Variants in RAI1 observed in about 807,000 individuals in gnomAD.
RAI1 encodes retinoic acid-induced protein 1.
RAI1 carries 9 observed loss-of-function variants against 123.8 expected under a neutral mutation model. That is an observed-to-expected ratio of 0.07 (90% confidence interval 0.04 to 0.13). The LOEUF (loss-of-function observed/expected upper bound fraction) is 0.13, where lower values mean the gene tolerates loss of function less well. RAI1 is among the 10% of genes least tolerant of loss of function. RAI1 has a pLI of 1.00. For synonymous variants in RAI1, 1,231 were observed against 1,127.3 expected (o/e 1.09, Z -1.84); for missense variants, 2,256 against 2,545.8 (o/e 0.89, Z 2.45).
At chr17:17,682,187 G>T (rs532521502) in intron 1 of RAI1, among the ~76,000 whole-genome samples, 1 of 152,138 alleles carries the variant, frequency 6.6e-6, no homozygotes, top group African/African-American at 2.4e-5. Context: ...GGCGCCGGGG[G>T]CGGAGGTGAG....
intron 2 of RAI1, among the ~76,000 whole-genome samples, chr17:17,758,717 A>G (rs1241417850): frequency 6.6e-6 from 1 of 152,192 alleles, no homozygotes; most frequent in Non-Finnish European, 1.5e-5. Context: ...TGCAATGATC[A>G]ACGTATGTAC....
In RAI1 at chr17:17,752,369, A is replaced by G. The variant is rs992343791; in HGVS notation, c.-17+28210A>G. ...GGGTGAGCGGAAAGGGGCGGGGCTG[A>G]CCTGTGGGCGGGGCCCCCGGGGCGA... On this transcript the variant is annotated intron_variant, in intron 2 of 5. Coordinates refer to ENST00000353383, the MANE Select transcript of RAI1 (RefSeq NM_030665.4). 1.3e-4 allele frequency among the ~76,000 whole-genome samples: 19 copies of G among 151,900 alleles called. No homozygotes were observed. The East Asian group carries it at 2.9e-3, about 23-fold the overall frequency.
intron 2 of RAI1, among the ~76,000 whole-genome samples, chr17:17,768,605 G>A (rs1488625110): frequency 1.3e-5 from 2 of 152,274 alleles, no homozygotes; most frequent in Non-Finnish European, 2.9e-5. Context: ...CAGGGCGACG[G>A]TGTGTCTGTC....
chr17:17,798,652 G>C, intron 3 of RAI1, 139 bp downstream of exon 3: 1 of 1,434,700 alleles, frequency 7.0e-7, no homozygotes, highest in Non-Finnish European at 9.4e-7. Flanking sequence ...GCAGAGTCCT[G>C]AGCCTCTCTG....
intron 1 of RAI1, among the ~76,000 whole-genome samples, chr17:17,720,512 C>G (rs183494631): frequency 2.9e-3 from 439 of 152,308 alleles, no homozygotes; most frequent in Non-Finnish European, 4.9e-3. Flanking sequence ...GCACCATGAT[C>G]CCATGGAATC....
In RAI1 at chr17:17,701,322, C is replaced by T. The variant is rs545449198; in HGVS notation, c.-149+19529C>T. On this transcript the variant is annotated intron_variant, in intron 1 of 5. Coordinates refer to ENST00000353383, the MANE Select transcript of RAI1 (RefSeq NM_030665.4). ...CTGCACTGCTGCCCTGAGCCTTCTG[C>T]CTAGGCAGGGGGCTGTGAGACTGAT... 2.6e-5 allele frequency among the ~76,000 whole-genome samples: 4 copies of T among 152,310 alleles called. No individual in the cohort carries two copies. In the South Asian group the frequency reaches 6.2e-4, roughly 24 times the overall value.
intron 2 of RAI1, among the ~76,000 whole-genome samples, chr17:17,781,951 GGGCC>G (rs2031596942): frequency 6.6e-6 from 1 of 152,186 alleles, no homozygotes; most frequent in African/African-American, 2.4e-5. Flanking sequence ...TCGGGGCCCC[GGGCC>G]GGCCGCCCCC....
intron 1 of RAI1, among the ~76,000 whole-genome samples, chr17:17,712,688 G>A (rs968723889): frequency 3.5e-4 from 54 of 152,216 alleles, no homozygotes; most frequent in African/African-American, 1.3e-3. Context: ...CTGGCTGAGT[G>A]ATGATGCGGC....
intron 2 of RAI1, among the ~76,000 whole-genome samples, chr17:17,741,527 ACTCGTC>A (rs1365954213): frequency 6.6e-6 from 1 of 152,122 alleles, no homozygotes; most frequent in Non-Finnish European, 1.5e-5. Flanking sequence ...GCAGTGCGGG[ACTCGTC>A]CTCGGCTCTC....
Position 17,794,514 on chromosome 17 carries a change from G to C in RAI1, c.1566G>C (p.Glu522Asp). The C allele has an allele frequency of 6.2e-7, 1 of 1,612,586 alleles. No homozygotes were observed. The highest frequency in any genetic ancestry group is 8.5e-7 in the Non-Finnish European group (1 of 1,179,768). The change falls in exon 3 of 6, where the codon GAG (glutamate) becomes GAC (aspartate). Residue 522 changes from glutamate (E) to aspartate (D), a missense_variant. This residue lies in a region of RAI1 where 357 missense variants were observed against 480.2 expected (regional missense o/e 0.74). Coordinates refer to ENST00000353383, the MANE Select transcript of RAI1 (RefSeq NM_030665.4). ...AGGCCGACTACCTGAGCGGCTCCGA[G>C]GACCCACTGGAGCGCAGCTTCCTCT... ...PQEADYLSGS[E>D]DPLERSFLYC... is the part of the protein sequence containing the mutation.
intron 2 of RAI1, among the ~76,000 whole-genome samples, chr17:17,754,267 C>T (rs565102038): frequency 1.1e-4 from 16 of 139,816 alleles, no homozygotes; most frequent in South Asian, 2.2e-4. Flanking sequence ...TGCAATGGCG[C>T]GATCTCGGCT....
chr17:17,723,214 C>T (rs540081701), intron 1 of RAI1, among the ~76,000 whole-genome samples: 3 of 152,170 alleles, frequency 2.0e-5, no homozygotes, highest in East Asian at 1.9e-4. Context: ...CGCAATCCCA[C>T]CCACGCAGTA....
chr17:17,791,702 C>G (rs2032017704), intron 2 of RAI1, among the ~76,000 whole-genome samples: 1 of 152,218 alleles, frequency 6.6e-6, no homozygotes, highest in African/African-American at 2.4e-5. Flanking sequence ...ATGGCCAGCC[C>G]CTCCATGCAC....
intron 2 of RAI1, among the ~76,000 whole-genome samples, chr17:17,764,681 C>T (rs1383624081): frequency 6.6e-6 from 1 of 152,140 alleles, no homozygotes; most frequent in Non-Finnish European, 1.5e-5. Context: ...CCAGGCTGGT[C>T]CTGAACTCCT....
chr17:17,798,383 C>T lies in RAI1; in HGVS notation c.5435C>T (p.Pro1812Leu), dbSNP rs368733254. The part of the protein sequence containing the change: ...GRKHECSKEA[P>L]AEPGGEAQEH... Reference sequence around the variant, plus strand: ...AAACATGAGTGCAGCAAGGAGGCTCCGGCAGAGCCCGGCGGGGAGGCCCAG... The same window carrying T: ...AAACATGAGTGCAGCAAGGAGGCTCTGGCAGAGCCCGGCGGGGAGGCCCAG... Residue 1812 changes from proline to leucine, a missense_variant, in exon 3 of 6, where the codon CCG becomes CTG. Transcript: ENST00000353383. 64 of 1,609,236 alleles carry T rather than the reference C, an allele frequency of 4.0e-5. 1 individual carries two copies. The African/African-American group carries it at 4.0e-4, about 10-fold the overall frequency.
In RAI1 at chr17:17,797,220, C is replaced by G. The variant is rs765372546; in HGVS notation, c.4272C>G (p.Phe1424Leu). The G allele has an allele frequency of 1.2e-6, 2 of 1,613,740 alleles. No homozygotes were observed. The highest frequency in any genetic ancestry group is 2.2e-5 in the East Asian group (1 of 44,884). ...AGAAACTGTCTTCTACTGACTGTTT[C>G]AAAACCGAGGCCTTCACATCCCCGG... ...NSKKLSSTDC[F>L]KTEAFTSPEA... Residue 1424 changes from phenylalanine (F) to leucine (L), a missense_variant, in exon 3 of 6, where the codon TTC (phenylalanine) becomes TTG (leucine). Physicochemically the swap from Phe to Leu is conservative, Grantham distance 22. This residue lies in a region of RAI1 where 410 missense variants were observed against 374.6 expected (regional missense o/e 1.09). Transcript: ENST00000353383.
intron 2 of RAI1, among the ~76,000 whole-genome samples, chr17:17,774,405 A>T (rs577728111): frequency 1.3e-5 from 2 of 152,374 alleles, no homozygotes; most frequent in East Asian, 3.9e-4. Context: ...AGGCCGGAAC[A>T]CAGGGGCCTT....
In RAI1 at chr17:17,714,629, C is replaced by T. The variant is rs1915657888; in HGVS notation, c.-148-9399C>T. 1.3e-5 allele frequency among the ~76,000 whole-genome samples: 2 copies of T among 152,148 alleles called. No homozygotes were observed. The highest frequency in any genetic ancestry group is 2.1e-4 in the South Asian group (1 of 4,828). ...AGGTGAAAAACCTGAGGCTCAGAAA[C>T]GTAACGGGAAGCAGCTGGGTGCGAG... is the stretch of plus-strand genomic sequence containing the variant. On this transcript the variant is annotated intron_variant, in intron 1 of 5. Transcript: ENST00000353383. This position sits in a 1 kb window ranked among gnomAD's most constrained non-coding sequence, Gnocchi z 4.9.
chr17:17,787,031 A>T (rs574872906), intron 2 of RAI1, among the ~76,000 whole-genome samples: 1 of 152,314 alleles, frequency 6.6e-6, no homozygotes, highest in African/African-American at 2.4e-5. Flanking sequence ...ACAGGAGGGA[A>T]ACTCTGTCTC....
Sources: gnomAD v4.1 joint callset for allele counts (sites outside exome capture counted in the v4.1 genomes callset) on GRCh38, gnomAD v4.1.1 for gene constraint, gnomAD v4.1.1 regional missense constraint, Gnocchi (gnomAD v3.1) non-coding constraint, MANE v1.5 for transcripts, NCBI Gene and HGNC (gene_info 2026-07-23, HGNC 2026-07-21) for gene names.